The following PTPN3 variants were observed in gnomAD, a reference collection of about 807,000 sequenced individuals.
PTPN3 encodes the protein tyrosine-protein phosphatase non-receptor type 3.
Under a neutral mutation model 132.7 loss-of-function variants are expected in PTPN3, and 96 were observed. That is an observed-to-expected ratio of 0.72 (90% CI 0.61 to 0.86). The LOEUF (loss-of-function observed/expected upper bound fraction) is 0.86. Ranked by LOEUF, PTPN3 falls within the 40% of genes least tolerant of loss-of-function variation. PTPN3 has a pLI of 0.00. For synonymous variants in PTPN3, 398 were observed against 429.0 expected (o/e 0.93, Z 0.89); for missense variants, 1,125 against 1,159.6 (o/e 0.97, Z 0.43).
chr9:109,459,586 C>T (rs758210639), intron 2 of PTPN3, among the ~76,000 whole-genome samples: 7 of 152,096 alleles, frequency 4.6e-5, no homozygotes, highest in Non-Finnish European at 8.8e-5. Flanking sequence ...GGGTCTTGCT[C>T]CACTGCCCCT....
At chr9:109,477,042 G>C (rs773076796) in intron 1 of PTPN3, among the ~76,000 whole-genome samples, 2 of 152,134 alleles carry the variant, frequency 1.3e-5, no homozygotes, top group Non-Finnish European at 2.9e-5. Context: ...TCAGAACCAC[G>C]CACAGGTCAC....
chr9:109,448,892 CTG>C, intron 5 of PTPN3, 37 bp from the exon 6 acceptor site: 3 of 1,461,906 alleles, frequency 2.1e-6, no homozygotes, highest in South Asian at 1.5e-5. Context: ...CATACTCAAA[CTG>C]AAATAAGCAA....
In PTPN3 at chr9:109,466,244, T is replaced by C. The variant is rs1321600069; in HGVS notation, c.-17-2793A>G. Among the ~76,000 whole-genome samples, 4 of 152,312 alleles carry C rather than the reference T, an allele frequency of 2.6e-5. No individual in the cohort carries two copies. The South Asian group carries it at 8.3e-4, about 32-fold the overall frequency. ...TAGAAAATGAAGCTAAATTTTATAG[T>C]CTATATAACATAGACTATATAGCAG... is the stretch of plus-strand genomic sequence containing the variant. On this transcript the variant is annotated intron_variant, in intron 1 of 25. Coordinates refer to ENST00000374541, the MANE Select transcript of PTPN3 (RefSeq NM_002829.4).
rs144915998 is a variant in PTPN3 at position 109,408,340 on chromosome 9, C to T, written c.1616G>A (p.Arg539Lys). The part of the protein sequence containing the change: ...VDQKMPLVVS[R>K]INPESPADTC... The stretch of plus-strand genomic sequence containing the variant: ...ACTTACAGGTGACTCTGGGTTTATC[C>T]TTGATACCACAAGAGGCATCTTTTG... The change falls in exon 17 of 26, where the codon AGG (arginine) becomes AAG (lysine). Residue 539 changes from arginine (R) to lysine (K), a missense_variant. Coordinates refer to ENST00000374541, the MANE Select transcript of PTPN3 (RefSeq NM_002829.4). 6.1e-5 allele frequency: 96 copies of T among 1,582,446 alleles called. No homozygotes were observed. The highest frequency in any genetic ancestry group is 7.8e-5 in the Non-Finnish European group (91 of 1,160,256).
chr9:109,484,347 G>A (rs1454431781), intron 1 of PTPN3, among the ~76,000 whole-genome samples: 6 of 152,332 alleles, frequency 3.9e-5, no homozygotes, highest in South Asian at 2.1e-4. Context: ...GGTGGAGACC[G>A]AAACTCAGGA....
intron 19 of PTPN3, among the ~76,000 whole-genome samples, chr9:109,396,006 C>T (rs901210018): frequency 3.3e-5 from 5 of 152,048 alleles, no homozygotes; most frequent in South Asian, 2.1e-4. Context: ...TGTATACAGG[C>T]GTGCGCCACC....
intron 19 of PTPN3, among the ~76,000 whole-genome samples, chr9:109,403,063 C>T (rs75964097): frequency 8.5e-5 from 13 of 152,236 alleles, no homozygotes; most frequent in African/African-American, 2.2e-4. Flanking sequence ...GGGTGACAGA[C>T]GCCCTGTCTC....
intron 25 of PTPN3, 87 bp downstream of exon 25, chr9:109,381,565 G>A: frequency 6.5e-7 from 1 of 1,534,066 alleles, no homozygotes; most frequent in Non-Finnish European, 9.0e-7. Context: ...GCTGCAGTCT[G>A]TTGACTCACA....
At chr9:109,516,710 G>T in the PTPN3 span, among the ~76,000 whole-genome samples, 5 of 152,152 alleles carry the variant, frequency 3.3e-5, no homozygotes, top group East Asian at 9.6e-4. Flanking sequence ...AGACCATCGG[G>T]CAACAATGAT....
At chr9:109,466,854 A>G (rs545842706) in intron 1 of PTPN3, among the ~76,000 whole-genome samples, 1 of 152,154 alleles carries the variant, frequency 6.6e-6, no homozygotes. Context: ...TCAGGGAATG[A>G]CAGGGGGCAC....
intron 9 of PTPN3, among the ~76,000 whole-genome samples, chr9:109,434,710 A>T (rs144409934): frequency 4.4e-4 from 67 of 152,272 alleles, no homozygotes; most frequent in Non-Finnish European, 8.8e-4. Flanking sequence ...TGGGCTCCTG[A>T]GGCTCAATTT....
At chr9:109,482,757 C>A (rs1847019151) in intron 1 of PTPN3, among the ~76,000 whole-genome samples, 1 of 152,214 alleles carries the variant, frequency 6.6e-6, no homozygotes, top group Non-Finnish European at 1.5e-5. Flanking sequence ...TGGACCCACT[C>A]CTCCCCCAGA....
In PTPN3 at chr9:109,382,452, G is replaced by A. The variant is rs1237133428; in HGVS notation, c.2383-5C>T. The A allele has an allele frequency of 6.2e-7, 1 of 1,613,996 alleles. No homozygotes were observed. Among genetic ancestry groups the A allele is most frequent in the Non-Finnish European group, 8.5e-7 (1 of 1,180,014 alleles). The stretch of plus-strand genomic sequence containing the variant: ...CACTGTGTGTTCTTCCCCGGTCTGT[G>A]GGAGATGCAGTGGCCTTGGTGAGCC... On this transcript the variant is annotated splice_polypyrimidine_tract_variant and splice_region_variant and intron_variant, in intron 23 of 25. Coordinates refer to ENST00000374541, the MANE Select transcript of PTPN3 (RefSeq NM_002829.4).
chr9:109,476,619 G>T (rs1456234213), intron 1 of PTPN3, among the ~76,000 whole-genome samples: 1 of 152,152 alleles, frequency 6.6e-6, no homozygotes, highest in East Asian at 1.9e-4. Context: ...GAGGGGTCTT[G>T]CCAGGCCAGA....
At chr9:109,532,814 G>A in the PTPN3 span, 1 of 776,780 alleles carries the variant, frequency 1.3e-6, no homozygotes, top group Non-Finnish European at 1.8e-6. Flanking sequence ...TGATGATAGA[G>A]ATGATAAGTC....
intron 25 of PTPN3, among the ~76,000 whole-genome samples, chr9:109,380,546 G>A (rs372640083): frequency 1.5e-3 from 230 of 152,292 alleles, no homozygotes; most frequent in Non-Finnish European, 2.6e-3. Context: ...GTGAGCCACC[G>A]TGCCCAGCTT....
At chr9:109,391,288 C>A in intron 20 of PTPN3, 89 bp from the exon 21 acceptor site, 1 of 1,349,774 alleles carries the variant, frequency 7.4e-7, no homozygotes, top group South Asian at 1.3e-5. Flanking sequence ...GCCCCATCTG[C>A]AGCTCTGCCT....
At chr9:109,451,357 T>A in intron 5 of PTPN3, 7 of 975,014 alleles carry the variant, frequency 7.2e-6, no homozygotes, top group Non-Finnish European at 8.5e-6. Flanking sequence ...ATAGTTACAT[T>A]CTACTCCACA....
At chr9:109,442,583 G>T (rs1844565396) in intron 7 of PTPN3, among the ~76,000 whole-genome samples, 1 of 152,152 alleles carries the variant, frequency 6.6e-6, no homozygotes, top group African/African-American at 2.4e-5. Context: ...GCCTGCGATA[G>T]AATTCTTTAT....
Sources: gnomAD v4.1 joint callset for allele counts (sites outside exome capture counted in the v4.1 genomes callset) on GRCh38, gnomAD v4.1.1 for gene constraint, MANE v1.5 for transcripts, NCBI Gene and HGNC (gene_info 2026-07-23, HGNC 2026-07-21) for gene names.